BRD7: variants seen among roughly 807,000 people sequenced by gnomAD.
BRD7 encodes the protein bromodomain containing 7.
A neutral mutation model predicts 82.1 loss-of-function variants in BRD7; 15 were observed. The ratio of observed to expected loss-of-function variants is 0.18; its 90% CI spans 0.12 to 0.28. The LOEUF (loss-of-function observed/expected upper bound fraction) is 0.28. Ranked by LOEUF, BRD7 falls within the 10% of genes least tolerant of loss-of-function variation. The pLI, the probability that BRD7 is intolerant of heterozygous loss-of-function variation, is 1.00. For synonymous variants in BRD7, 232 were observed against 266.9 expected (o/e 0.87, Z 1.27); for missense variants, 638 against 779.9 (o/e 0.82, Z 2.17).
At chr16:50,351,977 G>A (rs1051201773) in intron 4 of BRD7, among the ~76,000 whole-genome samples, 1 of 152,134 alleles carries the variant, frequency 6.6e-6, no homozygotes, top group Non-Finnish European at 1.5e-5. Context: ...TATAATAAAT[G>A]GTTGTGGACT....
At chr16:50,329,722 T>C (rs1255740601) in intron 8 of BRD7, among the ~76,000 whole-genome samples, 1 of 152,226 alleles carries the variant, frequency 6.6e-6, no homozygotes. Flanking sequence ...GCCACTTTTG[T>C]GGGCTGCTTG....
At position 50,316,638 on chromosome 16, in the gene BRD7, C is replaced by T. The variant is rs546447480; in HGVS notation, c.*2573G>A. The T allele has an allele frequency of 2.0e-5, 3 of 152,432 alleles. No individual in the cohort carries two copies. Among genetic ancestry groups the T allele is most frequent in the East Asian group, 1.9e-4 (1 of 5,322 alleles). The allele number at this position is 152,432 out of a possible 1,614,324, so 9.4% of individuals were successfully genotyped here. A position where few individuals can be genotyped will look rare whatever the true frequency, so the allele number is the denominator to read the frequency against. ...GCCCGCCCCCTCACAAATGCTGAGCCGTTCTTGCTCTGAAACTGCGTGAGT... is the reference window on the plus strand; with the variant it reads ...GCCCGCCCCCTCACAAATGCTGAGCTGTTCTTGCTCTGAAACTGCGTGAGT... On this transcript the variant is annotated 3_prime_UTR_variant, in exon 17 of 17. Transcript: ENST00000394688.
chr16:50,328,069 C>T (rs1335560043), intron 9 of BRD7, among the ~76,000 whole-genome samples: 2 of 152,156 alleles, frequency 1.3e-5, no homozygotes, highest in Non-Finnish European at 2.9e-5. Context: ...TGATTCTCTC[C>T]TCAGACCAGT....
In BRD7 at chr16:50,334,760, C is replaced by G. The variant is rs751654711; in HGVS notation, c.838G>C (p.Gly280Arg). 11 of 1,613,864 alleles carry G rather than the reference C, an allele frequency of 6.8e-6. No individual in the cohort carries two copies. The African/African-American group carries it at 1.3e-4, about 20-fold the overall frequency. The part of the protein sequence containing the change: ...GCWQREREDS[G>R]DAEAHAFKSP... Reference sequence around the variant, plus strand: ...TTGAAGGCGTGTGCTTCGGCATCTCCAGAGTCCTCTCTCTCTCTCTGCCAG... The same window carrying G: ...TTGAAGGCGTGTGCTTCGGCATCTCGAGAGTCCTCTCTCTCTCTCTGCCAG... The change falls in exon 7 of 17, where the codon GGA becomes CGA. Residue 280 changes from glycine to arginine, a missense_variant. Coordinates refer to ENST00000394688, the MANE Select transcript of BRD7 (RefSeq NM_013263.5).
rs1291263139 is a variant in BRD7, at chr16:50,350,288, T to C, written c.447-121A>G. 6 of 671,424 alleles carry C rather than the reference T, an allele frequency of 8.9e-6. No individual in the cohort carries two copies. The East Asian group carries it at 1.7e-4, about 19-fold the overall frequency. 41.6% of individuals were successfully genotyped at this position (671,424 alleles called of 1,614,324 possible). On this transcript the variant is annotated intron_variant, in intron 4 of 16. Coordinates refer to ENST00000394688, the MANE Select transcript of BRD7 (RefSeq NM_013263.5). ...AGAAAGAATTTGTAATATGTTAACA[T>C]ATTTTTAACTGAAAACTGAAGAAAT...
intron 5 of BRD7, among the ~76,000 whole-genome samples, chr16:50,346,039 T>C (rs2038270072): frequency 6.6e-6 from 1 of 152,146 alleles, no homozygotes; most frequent in African/African-American, 2.4e-5. Context: ...CCTCAGTAAA[T>C]GTAAAAGAAC....
intron 12 of BRD7, 103 bp downstream of exon 12, chr16:50,323,484 G>T: frequency 2.0e-6 from 2 of 988,524 alleles, no homozygotes; most frequent in Non-Finnish European, 3.1e-6. Context: ...GGGCCACAGA[G>T]TTCAGCTGTC....
chr16:50,349,328 T>A (rs187073858), intron 5 of BRD7: 1 of 314,842 alleles, frequency 3.2e-6, no homozygotes, highest in East Asian at 9.2e-5. Flanking sequence ...CGCACCAACA[T>A]GGCACATGAA....
At chr16:50,350,845 G>A (rs542242756) in intron 4 of BRD7, among the ~76,000 whole-genome samples, 49 of 152,146 alleles carry the variant, frequency 3.2e-4, no homozygotes, top group Non-Finnish European at 5.0e-4. Context: ...ATTCCAATGC[G>A]GGGAAGAAGC....
At chr16:50,344,003 G>A (rs1168312682) in intron 5 of BRD7, among the ~76,000 whole-genome samples, 1 of 152,172 alleles carries the variant, frequency 6.6e-6, no homozygotes, top group Non-Finnish European at 1.5e-5. Flanking sequence ...CTAACTGGGA[G>A]GCACCTCCCT....
At chr16:50,351,615 T>C (rs978984613) in intron 4 of BRD7, among the ~76,000 whole-genome samples, 1 of 152,226 alleles carries the variant, frequency 6.6e-6, no homozygotes, top group African/African-American at 2.4e-5. Context: ...CTGGTAAGGA[T>C]GAAGAATCAT....
At chr16:50,359,009 T>G (rs972150063) in intron 2 of BRD7, among the ~76,000 whole-genome samples, 1 of 152,344 alleles carries the variant, frequency 6.6e-6, no homozygotes, top group Middle Eastern at 3.4e-3. Flanking sequence ...AAAATTCTGA[T>G]TCCAACCTTT....
rs2036797334 is a variant in BRD7, at chr16:50,316,302, G to T, written c.*2909C>A. The stretch of plus-strand genomic sequence containing the variant: ...AATGTGGTCACAGCAAGAAGGCGGG[G>T]AGCAGCAGAGCCTTGCCTTTGAATG... On this transcript the variant is annotated 3_prime_UTR_variant, in exon 17 of 17. Transcript: ENST00000394688. 2 of 152,388 alleles carry T rather than the reference G, an allele frequency of 1.3e-5. No individual in the cohort carries two copies. The highest frequency in any genetic ancestry group is 6.5e-5 in the Admixed American group (1 of 15,274). The allele number at this position is 152,388 out of a possible 1,614,324, so 9.4% of individuals were successfully genotyped here. A position where few individuals can be genotyped will look rare whatever the true frequency, so the allele number is the denominator to read the frequency against.
intron 8 of BRD7, 129 bp downstream of exon 8, chr16:50,333,445 G>A: frequency 8.5e-7 from 1 of 1,181,010 alleles, no homozygotes; most frequent in Non-Finnish European, 1.2e-6. Flanking sequence ...TTGTTTTTCT[G>A]CTAAGTATTA....
At chr16:50,361,735 T>C (rs1017522583) in intron 2 of BRD7, 3 of 152,238 alleles carry the variant, frequency 2.0e-5, no homozygotes, top group African/African-American at 7.2e-5. Context: ...CTCAGCTGCC[T>C]TTCAGATCTT....
At chr16:50,363,486 T>C (rs1407382628) in intron 2 of BRD7, among the ~76,000 whole-genome samples, 1 of 152,216 alleles carries the variant, frequency 6.6e-6, no homozygotes, top group Non-Finnish European at 1.5e-5. Context: ...AATGCTTTGG[T>C]TGGCATTAAA....
chr16:50,336,730 A>G (rs1471832954), intron 6 of BRD7, among the ~76,000 whole-genome samples: 1 of 152,244 alleles, frequency 6.6e-6, no homozygotes, highest in Non-Finnish European at 1.5e-5. Context: ...ATAAAGCAGA[A>G]CTTACATTAA....
At position 50,331,416 on chromosome 16, in the gene BRD7, T is replaced by C. The variant is rs556249214; in HGVS notation, c.1011+2158A>G. The stretch of plus-strand genomic sequence containing the variant: ...CACATTACCCAATTTCAAACTATAC[T>C]ACAGGCTGGGCACGGTGGCTCATGT... On this transcript the variant is annotated intron_variant, in intron 8 of 16. Coordinates refer to ENST00000394688, the MANE Select transcript of BRD7 (RefSeq NM_013263.5). 2.6e-5 allele frequency among the ~76,000 whole-genome samples: 4 copies of C among 152,308 alleles called. No individual in the cohort carries two copies. The East Asian group carries it at 5.8e-4, about 22-fold the overall frequency.
intron 5 of BRD7, chr16:50,349,342 A>G (rs145274861): frequency 3.0e-6 from 1 of 328,148 alleles, no homozygotes; most frequent in East Asian, 8.4e-5. Flanking sequence ...ACATGAATAT[A>G]TATGTAACCA....
Sources: allele counts gnomAD v4.1 joint callset (sites outside exome capture counted in the v4.1 genomes callset), GRCh38; gene constraint gnomAD v4.1.1; transcripts MANE v1.5; gene names NCBI Gene and HGNC (gene_info 2026-07-23, HGNC 2026-07-21).